Variants in CUL1 observed in about 807,000 individuals in gnomAD.
CUL1 encodes the protein cullin-1.
A neutral mutation model predicts 118.0 loss-of-function variants in CUL1; 24 were observed. The observed-to-expected ratio is 0.20, with a 90% CI of 0.15 to 0.29. The LOEUF (loss-of-function observed/expected upper bound fraction) is 0.29, where lower values mean the gene tolerates loss of function less well. CUL1 is among the 10% of genes least tolerant of loss of function. The pLI is 1.00. For synonymous variants in CUL1, 332 were observed against 340.4 expected (o/e 0.98, Z 0.27); for missense variants, 361 against 933.8 (o/e 0.39, Z 7.99).
intron 1 of CUL1, among the ~76,000 whole-genome samples, chr7:148,701,957 T>C (rs551960443): frequency 6.6e-6 from 1 of 152,342 alleles, no homozygotes; most frequent in African/African-American, 2.4e-5. Context: ...ACTTGTCTTT[T>C]AGGTATGTCT....
chr7:148,769,994 C>T (rs1800154846), intron 9 of CUL1, among the ~76,000 whole-genome samples: 1 of 152,246 alleles, frequency 6.6e-6, no homozygotes, highest in Middle Eastern at 3.2e-3. Flanking sequence ...AAATAATCAA[C>T]TATGATTCTC....
At chr7:148,734,406 T>C (rs1798870723) in intron 2 of CUL1, among the ~76,000 whole-genome samples, 1 of 152,012 alleles carries the variant, frequency 6.6e-6, no homozygotes, top group Admixed American at 6.6e-5. Context: ...ACTGCATCTG[T>C]CTAATTTTTG....
intron 1 of CUL1, among the ~76,000 whole-genome samples, chr7:148,712,435 A>G (rs1432848319): frequency 1.3e-5 from 2 of 152,226 alleles, no homozygotes; most frequent in Non-Finnish European, 2.9e-5. Context: ...TGAAAGTTAC[A>G]TTTTGGTGGG....
At chr7:148,767,798 C>T (rs748895599) in intron 9 of CUL1, 49 bp downstream of exon 9, 6 of 1,585,490 alleles carry the variant, frequency 3.8e-6, no homozygotes, top group East Asian at 2.2e-5. Context: ...TTTCCACATG[C>T]GAACTGCAAG....
At chr7:148,719,833 A>G (rs558915393) in intron 1 of CUL1, among the ~76,000 whole-genome samples, 1 of 152,288 alleles carries the variant, frequency 6.6e-6, no homozygotes, top group African/African-American at 2.4e-5. Flanking sequence ...GTCTTTTTGC[A>G]TGCTTCCTTT....
At chr7:148,716,815 TCCCCTA>T (rs1290162822) in intron 1 of CUL1, among the ~76,000 whole-genome samples, 2 of 152,214 alleles carry the variant, frequency 1.3e-5, no homozygotes, top group Admixed American at 6.5e-5. Flanking sequence ...AGTCTTCCTG[TCCCCTA>T]CTGATAGATT....
chr7:148,781,257 ATT>A (rs1584813020), intron 9 of CUL1, among the ~76,000 whole-genome samples: 1 of 151,222 alleles, frequency 6.6e-6, no homozygotes, highest in East Asian at 2.0e-4. Flanking sequence ...ATTTTTTTGT[ATT>A]TTTAGTAGAG....
chr7:148,699,721 G>T (rs918852645), intron 1 of CUL1, among the ~76,000 whole-genome samples: 1 of 152,114 alleles, frequency 6.6e-6, no homozygotes, highest in Non-Finnish European at 1.5e-5. Context: ...TGCGCGCAGG[G>T]ATGCTAGCCC....
chr7:148,795,367 A>G (rs1232379302), intron 17 of CUL1, among the ~76,000 whole-genome samples: 1 of 151,862 alleles, frequency 6.6e-6, no homozygotes, highest in Non-Finnish European at 1.5e-5. Flanking sequence ...CCTGGGCTCA[A>G]GTGACACTTT....
chr7:148,790,504 A>G, intron 16 of CUL1, 63 bp downstream of exon 16: 1 of 1,402,814 alleles, frequency 7.1e-7, no homozygotes, highest in Non-Finnish European at 9.9e-7. Flanking sequence ...AAATTATGGA[A>G]ATCATTATCA....
chr7:148,742,907 T>C (rs778008834), intron 2 of CUL1, among the ~76,000 whole-genome samples: 5 of 152,226 alleles, frequency 3.3e-5, no homozygotes, highest in Non-Finnish European at 5.9e-5. Context: ...CCCAACTCTT[T>C]CTACCTTTTC....
In CUL1 at chr7:148,800,060, A is replaced by G. The variant is rs1584829352; in HGVS notation, c.2251-442A>G. 6.6e-6 allele frequency among the ~76,000 whole-genome samples: 1 copy of G among 152,310 alleles called. No homozygotes were observed. The highest frequency in any genetic ancestry group is 1.9e-4 in the East Asian group (1 of 5,182). On this transcript the variant is annotated intron_variant, in intron 21 of 21. Coordinates refer to ENST00000325222, the MANE Select transcript of CUL1 (RefSeq NM_003592.3). This position sits in a 1 kb window ranked among gnomAD's most constrained non-coding sequence, Gnocchi z 4.6. ...TTGACAGGTGACTTCCCCAACAGGC[A>G]GGAGGCCCAGTGTCCCTCCTGGGTT...
At chr7:148,728,823 T>A (rs243517) in intron 1 of CUL1, among the ~76,000 whole-genome samples, 68,149 of 151,978 alleles carry the variant, frequency 0.45, 16,261 homozygotes, top group African/African-American at 0.62. Flanking sequence ...TGTGCCTTAG[T>A]TTACACAGAG....
intron 1 of CUL1, among the ~76,000 whole-genome samples, chr7:148,720,917 G>A (rs953301698): frequency 6.6e-6 from 1 of 152,214 alleles, no homozygotes; most frequent in South Asian, 2.1e-4. Context: ...TTTGTTACAT[G>A]AATATATAGC....
intron 2 of CUL1, among the ~76,000 whole-genome samples, chr7:148,753,054 A>G (rs569397997): frequency 6.8e-4 from 104 of 152,360 alleles, no homozygotes; most frequent in Non-Finnish European, 1.2e-3. Context: ...TTTAGCTTGT[A>G]TATTTTAAAT....
intron 7 of CUL1, 56 bp downstream of exon 7, chr7:148,760,552 G>C (rs1799795646): frequency 7.8e-7 from 1 of 1,281,540 alleles, no homozygotes; most frequent in South Asian, 1.6e-5. Flanking sequence ...TGCTACTCAA[G>C]TGAGTTCTTT....
At position 148,776,294 on chromosome 7, in the gene CUL1, TAACA is replaced by T. The variant is rs1563166087; in HGVS notation, c.1084-7488_1084-7485del. 6.0e-4 allele frequency among the ~76,000 whole-genome samples: 78 copies of T among 129,114 alleles called. 3 individuals are homozygous for T. Among genetic ancestry groups the T allele is most frequent in the African/African-American group, 2.3e-3 (76 of 33,250 alleles). The allele number at this position is 129,114 out of a possible 152,430, so 84.7% of individuals were successfully genotyped here. ...TGTACACATTTGTCATTTTGGAGTC[TAACA>T]TAACCAGGCTTTTTTTTTTTTTTTT... On this transcript the variant is annotated intron_variant, in intron 9 of 21. Coordinates refer to ENST00000325222, the MANE Select transcript of CUL1 (RefSeq NM_003592.3).
Position 148,788,669 on chromosome 7 carries a change from T to C in CUL1, c.1592T>C (p.Leu531Pro). Residue 531 changes from leucine to proline, a missense_variant, in exon 14 of 22, where the codon CTA (leucine) becomes CCA (proline). Leu to Pro is a moderately conservative substitution (Grantham distance 98). Coordinates refer to ENST00000325222, the MANE Select transcript of CUL1 (RefSeq NM_003592.3). The stretch of plus-strand genomic sequence containing the variant: ...AAGCACTTGACAAACTCAGAACCCC[T>C]AGACTGTGAGTATCCGTGTGTCTCT... Reference protein sequence around the residue: ...FKKHLTNSEPLDLDFSIQVLS... With the variant: ...FKKHLTNSEPPDLDFSIQVLS... The C allele has an allele frequency of 2.5e-6, 4 of 1,594,398 alleles. No homozygotes were observed. Among genetic ancestry groups the C allele is most frequent in the Non-Finnish European group, 3.4e-6 (4 of 1,162,154 alleles).
At chr7:148,714,000 G>A (rs569079954) in intron 1 of CUL1, among the ~76,000 whole-genome samples, 8 of 152,302 alleles carry the variant, frequency 5.3e-5, no homozygotes, top group Admixed American at 2.6e-4. Context: ...GATTACAGGC[G>A]TGAGCCACCA....
Sources: allele counts gnomAD v4.1 joint callset (sites outside exome capture counted in the v4.1 genomes callset), GRCh38; gene constraint gnomAD v4.1.1; non-coding constraint Gnocchi (gnomAD v3.1); transcripts MANE v1.5; gene names NCBI Gene and HGNC (gene_info 2026-07-23, HGNC 2026-07-21).